The following DNM2 variants were observed in gnomAD, a reference collection of about 807,000 sequenced individuals.
DNM2 encodes dynamin-2.
DNM2 carries 15 observed loss-of-function variants against 99.0 expected under a neutral mutation model. The observed-to-expected ratio is 0.15, with a 90% CI of 0.10 to 0.23. The LOEUF is 0.23. Ranked by LOEUF, DNM2 falls within the 10% of genes least tolerant of loss-of-function variation. The pLI, the probability that DNM2 is intolerant of heterozygous loss-of-function variation, is 1.00. For missense variants in DNM2, 742 were observed against 1,189.4 expected (o/e 0.62, Z 5.53); for synonymous variants, 525 against 481.2 (o/e 1.09, Z -1.19).
intron 9 of DNM2, 72 bp from the exon 10 acceptor site, chr19:10,797,308 C>T: frequency 2.5e-6 from 4 of 1,594,280 alleles, no homozygotes; most frequent in Non-Finnish European, 3.4e-6. Context: ...CTCTCTGTCT[C>T]CTGTCCTGCG....
At chr19:10,794,438 C>T (rs190115752) in intron 8 of DNM2, among the ~76,000 whole-genome samples, 2 of 150,694 alleles carry the variant, frequency 1.3e-5, no homozygotes, top group Non-Finnish European at 3.0e-5. Flanking sequence ...ATTAAAAAAA[C>T]AAACAGTTTT....
Position 10,820,709 on chromosome 19 carries a change from A to G in DNM2, c.1781+620A>G, listed in dbSNP as rs2072943241. On this transcript the variant is annotated intron_variant, in intron 16 of 20. Coordinates refer to ENST00000389253, the MANE Select transcript of DNM2 (RefSeq NM_001005361.3). This position sits in a 1 kb window ranked among gnomAD's most constrained non-coding sequence, Gnocchi z 4.3. ...GCCATGCCAAGGGAGAGGGTGCATCAGGGAGGCACCTGGGTAGATCGAGGA... is the reference window on the plus strand; with the variant it reads ...GCCATGCCAAGGGAGAGGGTGCATCGGGGAGGCACCTGGGTAGATCGAGGA... Among the ~76,000 whole-genome samples the G allele has an allele frequency of 6.6e-6, 1 of 152,220 alleles. No homozygotes were observed. Among genetic ancestry groups the G allele is most frequent in the Non-Finnish European group, 1.5e-5 (1 of 68,034 alleles).
chr19:10,817,452 C>T lies in DNM2; in HGVS notation c.1672-2528C>T. 1 of 508,002 alleles carries T rather than the reference C, an allele frequency of 2.0e-6. No individual in the cohort carries two copies. 31.5% of individuals were successfully genotyped at this position (508,002 alleles called of 1,614,324 possible). A position where few individuals can be genotyped will look rare whatever the true frequency, so the allele number is the denominator to read the frequency against. ...CCTAACCAATGTGCAGACTACTGTACACATTGAGAGCCTCCTGAACAGGTA... is the reference window on the plus strand; with the variant it reads ...CCTAACCAATGTGCAGACTACTGTATACATTGAGAGCCTCCTGAACAGGTA... On this transcript the variant is annotated intron_variant, in intron 15 of 20. Coordinates refer to ENST00000389253, the MANE Select transcript of DNM2 (RefSeq NM_001005361.3). This position sits in a 1 kb window ranked among gnomAD's most constrained non-coding sequence, Gnocchi z 4.6.
rs757071103 is a variant in DNM2 at position 10,830,341 on chromosome 19, G to A, written c.2506G>A (p.Val836Ile). The change falls in exon 20 of 21, where the codon GTT becomes ATT. Residue 836 changes from valine to isoleucine, a missense_variant. Physicochemically the swap from Val to Ile is conservative, Grantham distance 29. Transcript: ENST00000389253. The surrounding 1 kb of genome is among the most constrained non-coding windows in gnomAD (Gnocchi z 4.8). The part of the protein sequence containing the change: ...PAPPQIPSRP[V>I]RIPPGIPPGV... ...CCCGCCTCAGATCCCATCTCGGCCA[G>A]TTCGGATCCCCCCAGGGATTCCCCC... 6.2e-7 allele frequency: 1 copy of A among 1,612,914 alleles called. No homozygotes were observed. Among genetic ancestry groups the A allele is most frequent in the Non-Finnish European group, 8.5e-7 (1 of 1,179,812 alleles).
Position 10,796,143 on chromosome 19 carries a change from T to C in DNM2, c.1196+704T>C, listed in dbSNP as rs1409309807. ...CAAGCTGAAAGAGCCCTGTCTGAAA[T>C]GTGTCGACCTGGTTATCCAGGAGCT... On this transcript the variant is annotated intron_variant, in intron 9 of 20. Transcript: ENST00000389253. This position sits in a 1 kb window ranked among gnomAD's most constrained non-coding sequence, Gnocchi z 5.6. 4 of 1,614,142 alleles carry C rather than the reference T, an allele frequency of 2.5e-6. No individual in the cohort carries two copies. In the South Asian group the frequency reaches 3.3e-5, roughly 13 times the overall value.
At position 10,798,399 on chromosome 19, in the gene DNM2, C is replaced by T. The variant is rs534366282; in HGVS notation, c.1336-87C>T. 12 of 993,620 alleles carry T rather than the reference C, an allele frequency of 1.2e-5. 1 individual carries two copies. In the Middle Eastern group the frequency reaches 1.1e-3, roughly 91 times the overall value. 61.6% of individuals were successfully genotyped at this position (993,620 alleles called of 1,614,324 possible). A position where few individuals can be genotyped will look rare whatever the true frequency, so the allele number is the denominator to read the frequency against. On this transcript the variant is annotated intron_variant, in intron 10 of 20. Transcript: ENST00000389253. ...CCCCCTCATATCTCATTCCCCACCC[C>T]CCTCCGCATTTTCTACCTGTGTGGT...
chr19:10,744,053 G>A (rs572742712), intron 1 of DNM2, among the ~76,000 whole-genome samples: 2 of 152,076 alleles, frequency 1.3e-5, no homozygotes, highest in Admixed American at 1.3e-4. Flanking sequence ...AGCTGCTTAG[G>A]AGGCTGAGGC....
chr19:10,825,717 T>C (rs2073122458), intron 18 of DNM2, among the ~76,000 whole-genome samples: 1 of 148,814 alleles, frequency 6.7e-6, no homozygotes, highest in African/African-American at 2.5e-5. Context: ...TAGCCGGGCA[T>C]GGTGGCGGGT....
intron 1 of DNM2, among the ~76,000 whole-genome samples, chr19:10,724,351 G>GT (rs1001075379): frequency 2.2e-4 from 33 of 152,064 alleles, no homozygotes; most frequent in African/African-American, 2.4e-5. Context: ...CTAATTTTTT[G>GT]TATTTTTAGT....
At chr19:10,761,904 C>A (rs1252556559) in intron 2 of DNM2, among the ~76,000 whole-genome samples, 2 of 152,218 alleles carry the variant, frequency 1.3e-5, no homozygotes, top group African/African-American at 4.8e-5. Flanking sequence ...AATGGGCTGC[C>A]ACCTCTGGGT....
chr19:10,767,928 C>G (rs1300075455), intron 2 of DNM2, among the ~76,000 whole-genome samples: 2 of 151,850 alleles, frequency 1.3e-5, no homozygotes, highest in African/African-American at 4.8e-5. Flanking sequence ...CAAAAAACCT[C>G]TGTTGACCTG....
Position 10,830,342 on chromosome 19 carries a change from T to C in DNM2, c.2507T>C (p.Val836Ala). The C allele has an allele frequency of 6.2e-7, 1 of 1,612,934 alleles. No individual in the cohort carries two copies. Among genetic ancestry groups the C allele is most frequent in the Non-Finnish European group, 8.5e-7 (1 of 1,179,806 alleles). Residue 836 changes from valine to alanine, a missense_variant, in exon 20 of 21, where the codon GTT (valine) becomes GCT (alanine). Val to Ala is a moderately conservative substitution (Grantham distance 64, BLOSUM62 0). Transcript: ENST00000389253. The surrounding 1 kb of genome is among the most constrained non-coding windows in gnomAD (Gnocchi z 4.8). The part of the protein sequence containing the change: ...PAPPQIPSRP[V>A]RIPPGIPPGV... ...CCGCCTCAGATCCCATCTCGGCCAG[T>C]TCGGATCCCCCCAGGGATTCCCCCA...
rs2071938618 is a variant in DNM2, at chr19:10,796,520, A to C, written c.1197-860A>C. Among the ~76,000 whole-genome samples, 1 of 152,156 alleles carries C rather than the reference A, an allele frequency of 6.6e-6. No individual in the cohort carries two copies. The highest frequency in any genetic ancestry group is 1.5e-5 in the Non-Finnish European group (1 of 68,006). The stretch of plus-strand genomic sequence containing the variant: ...TGCTTTGCTGCCTCCTGGGAAGCAG[A>C]GAGGGACCCCCCGCGTCAACTGCTG... On this transcript the variant is annotated intron_variant, in intron 9 of 20. Coordinates refer to ENST00000389253, the MANE Select transcript of DNM2 (RefSeq NM_001005361.3). The surrounding 1 kb of genome is among the most constrained non-coding windows in gnomAD (Gnocchi z 5.6).
intron 3 of DNM2, among the ~76,000 whole-genome samples, chr19:10,774,147 A>T (rs151040059): frequency 6.6e-6 from 1 of 152,212 alleles, no homozygotes; most frequent in African/African-American, 2.4e-5. Flanking sequence ...TCAGATGACA[A>T]TGCAAACATG....
At chr19:10,814,258 A>G (rs1361974580) in intron 15 of DNM2, among the ~76,000 whole-genome samples, 2 of 152,104 alleles carry the variant, frequency 1.3e-5, no homozygotes, top group Non-Finnish European at 2.9e-5. Flanking sequence ...TGAGGTCGGG[A>G]GTTCGAGACC....
Position 10,718,302 on chromosome 19 carries a change from C to T in DNM2, c.60C>T (p.Phe20=). 6.6e-7 allele frequency: 1 copy of T among 1,508,724 alleles called. No individual in the cohort carries two copies. The highest frequency in any genetic ancestry group is 8.9e-7 in the Non-Finnish European group (1 of 1,129,442). The allele number at this position is 1,508,724 out of a possible 1,614,324, so 93.5% of individuals were successfully genotyped here. A position where few individuals can be genotyped will look rare whatever the true frequency, so the allele number is the denominator to read the frequency against. The change falls in exon 1 of 21, where the codon TTC becomes TTT. Residue 20 remains phenylalanine (F), a synonymous_variant. Transcript: ENST00000389253. ...IPLVNKLQDA[F]SSIGQSCHLD... ...TGGTCAACAAACTGCAGGACGCCTT[C>T]AGCTCCATCGGCCAGAGCTGCCACC...
chr19:10,828,899 T>G (rs992414926), intron 18 of DNM2, 137 bp from the exon 19 acceptor site: 29 of 877,682 alleles, frequency 3.3e-5, no homozygotes, highest in Non-Finnish European at 4.7e-5. Flanking sequence ...TACTCCAGCC[T>G]GGGTGACAGA....
At chr19:10,754,203 C>T (rs930124364) in intron 1 of DNM2, among the ~76,000 whole-genome samples, 1 of 151,860 alleles carries the variant, frequency 6.6e-6, no homozygotes, top group Non-Finnish European at 1.5e-5. Flanking sequence ...AACATGTTCT[C>T]CTTGACTTGT....
chr19:10,789,217 C>G (rs563178181), intron 7 of DNM2, among the ~76,000 whole-genome samples: 350 of 152,148 alleles, frequency 2.3e-3, no homozygotes, highest in Non-Finnish European at 3.9e-3. Flanking sequence ...AAGAAACAAA[C>G]AAACAAACAA....
Sources: gnomAD v4.1 joint callset for allele counts (sites outside exome capture counted in the v4.1 genomes callset) on GRCh38, gnomAD v4.1.1 for gene constraint, Gnocchi (gnomAD v3.1) non-coding constraint, MANE v1.5 for transcripts, NCBI Gene and HGNC (gene_info 2026-07-23, HGNC 2026-07-21) for gene names.